Variants in SNTG2 observed in about 807,000 individuals in gnomAD.
The protein encoded by SNTG2 is gamma-2-syntrophin.
In SNTG2, 74 loss-of-function variants were observed where a neutral mutation model predicts 70.9. The observed-to-expected ratio is 1.04, with a 90% confidence interval of 0.86 to 1.27. SNTG2 has a LOEUF of 1.27. SNTG2 is among the 50% of genes most tolerant of loss of function. The pLI is 0.00. For synonymous variants in SNTG2, 278 were observed against 273.8 expected (o/e 1.02, Z -0.15); for missense variants, 717 against 690.7 (o/e 1.04, Z -0.43).
chr2:1,149,235 G>A (rs60756837), intron 6 of SNTG2, among the ~76,000 whole-genome samples: 139,965 of 149,538 alleles, frequency 0.94, 65,619 homozygotes, highest in Non-Finnish European at 0.97. Context: ...CACACGGGGA[G>A]CAGTGAGGCT....
chr2:1,212,907 G>T (rs1327999840), intron 9 of SNTG2, among the ~76,000 whole-genome samples: 1 of 152,158 alleles, frequency 6.6e-6, no homozygotes, highest in Non-Finnish European at 1.5e-5. Context: ...AAATCAAACA[G>T]GTTTTAGAAT....
chr2:1,138,940 A>T (rs1390229909), intron 6 of SNTG2, among the ~76,000 whole-genome samples: 1 of 152,078 alleles, frequency 6.6e-6, no homozygotes, highest in East Asian at 1.9e-4. Flanking sequence ...ACGGGGAATC[A>T]CTTCCTACAC....
At chr2:1,044,289 TC>T (rs1167654068) in intron 1 of SNTG2, among the ~76,000 whole-genome samples, 1 of 152,234 alleles carries the variant, frequency 6.6e-6, no homozygotes, top group African/African-American at 2.4e-5. Flanking sequence ...GTTTCTCAGA[TC>T]TAGGAGCCTT....
intron 13 of SNTG2, among the ~76,000 whole-genome samples, chr2:1,263,717 G>A (rs964786846): frequency 3.9e-5 from 6 of 152,176 alleles, no homozygotes; most frequent in African/African-American, 1.2e-4. Context: ...ATGAAAGCAC[G>A]TAGTGAACTC....
intron 16 of SNTG2, among the ~76,000 whole-genome samples, chr2:1,332,863 A>G (rs892676687): frequency 2.6e-5 from 4 of 152,192 alleles, no homozygotes; most frequent in Admixed American, 2.0e-4. Flanking sequence ...TGAATGGGGA[A>G]AAGTTGAAAG....
intron 1 of SNTG2, among the ~76,000 whole-genome samples, chr2:1,022,543 C>T (rs568958245): frequency 6.6e-6 from 1 of 151,994 alleles, no homozygotes; most frequent in Non-Finnish European, 1.5e-5. Flanking sequence ...TCCCGTCAGT[C>T]CCTGAGTTCC....
chr2:1,242,576 C>A (rs1311623139), intron 11 of SNTG2, among the ~76,000 whole-genome samples: 1 of 152,172 alleles, frequency 6.6e-6, no homozygotes. Flanking sequence ...CATATGCTCA[C>A]CCCACCAAAT....
intron 8 of SNTG2, among the ~76,000 whole-genome samples, chr2:1,204,826 T>C (rs1439893805): frequency 6.6e-6 from 1 of 152,226 alleles, no homozygotes; most frequent in Non-Finnish European, 1.5e-5. Flanking sequence ...CGCACAGTTT[T>C]CAGGCATTCA....
intron 1 of SNTG2, among the ~76,000 whole-genome samples, chr2:1,039,092 G>A (rs1661288931): frequency 1.3e-5 from 2 of 152,118 alleles, no homozygotes; most frequent in African/African-American, 2.4e-5. Context: ...ACAGTAATTA[G>A]GGTTTATCTT....
At chr2:1,305,557 G>A (rs953503450) in intron 14 of SNTG2, among the ~76,000 whole-genome samples, 1 of 152,184 alleles carries the variant, frequency 6.6e-6, no homozygotes, top group Non-Finnish European at 1.5e-5. Context: ...CATTCACTAG[G>A]TTGAAAGAAT....
intron 1 of SNTG2, among the ~76,000 whole-genome samples, chr2:1,019,516 G>C (rs1461889457): frequency 6.6e-6 from 1 of 152,128 alleles, no homozygotes; most frequent in African/African-American, 2.4e-5. Context: ...GGAAGAAATG[G>C]CAAGGAGGGC....
At chr2:1,146,288 A>C (rs1669095372) in intron 6 of SNTG2, among the ~76,000 whole-genome samples, 2 of 152,228 alleles carry the variant, frequency 1.3e-5, no homozygotes, top group African/African-American at 4.8e-5. Flanking sequence ...TTTAAAAAGC[A>C]CAATACCATT....
chr2:1,293,706 A>C (rs1680082774), intron 14 of SNTG2, among the ~76,000 whole-genome samples: 1 of 152,230 alleles, frequency 6.6e-6, no homozygotes, highest in African/African-American at 2.4e-5. Flanking sequence ...GTTCAAAAAA[A>C]AAAGATAATT....
At chr2:1,263,274 C>G (rs13000319) in intron 13 of SNTG2, among the ~76,000 whole-genome samples, 46,503 of 151,940 alleles carry the variant, frequency 0.31, 8,020 homozygotes, top group African/African-American at 0.47. Flanking sequence ...TTAAGTAATT[C>G]TACTATAAAT....
intron 6 of SNTG2, among the ~76,000 whole-genome samples, chr2:1,149,621 G>A (rs1558458242): frequency 2.0e-5 from 3 of 151,594 alleles, no homozygotes; most frequent in Admixed American, 6.6e-5. Flanking sequence ...CTAGGTTCAG[G>A]TGGTAACATT....
chr2:1,170,051 G>A (rs1192095293), intron 7 of SNTG2, among the ~76,000 whole-genome samples: 2 of 152,160 alleles, frequency 1.3e-5, no homozygotes, highest in South Asian at 4.1e-4. Context: ...ACTGCATGAA[G>A]CAGAAATCCA....
chr2:1,166,453 T>C (rs535522191), intron 7 of SNTG2, among the ~76,000 whole-genome samples: 7 of 152,326 alleles, frequency 4.6e-5, no homozygotes, highest in East Asian at 1.9e-4. Flanking sequence ...GGGGTTCATA[T>C]TGACTGTTTT....
intron 1 of SNTG2, among the ~76,000 whole-genome samples, chr2:1,040,692 A>C (rs1661384350): frequency 6.6e-6 from 1 of 152,236 alleles, no homozygotes; most frequent in Non-Finnish European, 1.5e-5. Context: ...GTTTTTCCTT[A>C]ACATCATACC....
intron 1 of SNTG2, among the ~76,000 whole-genome samples, chr2:1,011,913 C>A (rs1434298920): frequency 6.6e-6 from 1 of 152,078 alleles, no homozygotes; most frequent in African/African-American, 2.4e-5. Context: ...TTGTGAAGTC[C>A]ACTTGTATAT....
Sources: allele counts gnomAD v4.1 joint callset (sites outside exome capture counted in the v4.1 genomes callset), GRCh38; gene constraint gnomAD v4.1.1; transcripts MANE v1.5; gene names NCBI Gene and HGNC (gene_info 2026-07-23, HGNC 2026-07-21).